The following RBFOX1 variants were observed in gnomAD, a reference collection of about 807,000 sequenced individuals.
RBFOX1 encodes RNA binding fox-1 homolog 1, also known as RNA binding protein fox-1 homolog 1.
In RBFOX1, 8 loss-of-function variants were observed where a neutral mutation model predicts 57.7. The observed-to-expected ratio is 0.14, with a 90% confidence interval of 0.08 to 0.25. RBFOX1 has a LOEUF of 0.25. Among genes scored for constraint, RBFOX1 ranks in the 10% least tolerant of loss-of-function variants. The pLI is 1.00. For synonymous variants in RBFOX1, 326 were observed against 222.4 expected, an observed-to-expected ratio of 1.47 and a Z score of -4.15; for missense variants, 611 against 548.5, an observed-to-expected ratio of 1.11 and a Z score of -1.14.
At chr16:6,372,847 T>A (rs1188125709) in intron 2 of RBFOX1, among the ~76,000 whole-genome samples, 1 of 150,358 alleles carries the variant, frequency 6.7e-6, no homozygotes, top group Non-Finnish European at 1.5e-5. Context: ...TTAGGATCTT[T>A]GGGTAGGAGT....
At chr16:5,839,405 T>G (rs1309218510) in intron 3 of RBFOX1, among the ~76,000 whole-genome samples, 1 of 152,188 alleles carries the variant, frequency 6.6e-6, no homozygotes, top group Admixed American at 6.5e-5. Context: ...CTAATTCCTT[T>G]AGCCCTCTCC....
chr16:7,547,615 T>C (rs1018713828), intron 5 of RBFOX1, among the ~76,000 whole-genome samples: 2 of 152,234 alleles, frequency 1.3e-5, no homozygotes, highest in Non-Finnish European at 1.5e-5. Flanking sequence ...AGAATCAGGA[T>C]TGAGGCAGGC....
intron 2 of RBFOX1, among the ~76,000 whole-genome samples, chr16:6,598,073 C>T (rs1360678771): frequency 6.6e-6 from 1 of 152,198 alleles, no homozygotes; most frequent in African/African-American, 2.4e-5. Flanking sequence ...GTTTGGTTTT[C>T]TGGTACTTGT....
At chr16:7,385,946 A>ATTTT (rs2097869926) in intron 4 of RBFOX1, among the ~76,000 whole-genome samples, 1 of 148,070 alleles carries the variant, frequency 6.8e-6, no homozygotes, top group South Asian at 2.2e-4. Flanking sequence ...TTATTTATTT[A>ATTTT]TTTATTTATT....
chr16:6,857,471 C>T (rs2058118499), intron 3 of RBFOX1, among the ~76,000 whole-genome samples: 1 of 152,162 alleles, frequency 6.6e-6, no homozygotes, highest in African/African-American at 2.4e-5. Context: ...TGGTTTATTT[C>T]ACAAGGGTCT....
At position 6,153,033 on chromosome 16, in the gene RBFOX1, G is replaced by GTTT. The variant is rs59957159; in HGVS notation, c.-127+133055_-127+133057dup. On this transcript the variant is annotated intron_variant, in intron 1 of 15. Coordinates refer to ENST00000550418, the MANE Select transcript of RBFOX1 (RefSeq NM_018723.4). ...CTTAAAAGGGGCATAGTTATTTTCT[G>GTTT]TTTTTTTTTTTTTTTTGTTAATTTT... Among the ~76,000 whole-genome samples, 887 of 128,086 alleles carry GTTT rather than the reference G, an allele frequency of 6.9e-3. 10 individuals are homozygous for GTTT. Among genetic ancestry groups the GTTT allele is most frequent in the African/African-American group, 0.021 (726 of 35,368 alleles). 84.0% of individuals were successfully genotyped at this position (128,086 alleles called of 152,430 possible).
chr16:7,336,763 C>G (rs914568933), intron 4 of RBFOX1, among the ~76,000 whole-genome samples: 1 of 152,168 alleles, frequency 6.6e-6, no homozygotes. Context: ...TATTTGTCCA[C>G]CTTCCTATAT....
intron 2 of RBFOX1, among the ~76,000 whole-genome samples, chr16:6,388,961 A>G (rs180807143): frequency 6.6e-6 from 1 of 152,274 alleles, no homozygotes; most frequent in African/African-American, 2.4e-5. Flanking sequence ...ATGTTGGACA[A>G]TGACATCACT....
chr16:6,654,428 G>A (rs912479015), intron 2 of RBFOX1, among the ~76,000 whole-genome samples, 175 bp from the exon 3 acceptor site: 8 of 152,080 alleles, frequency 5.3e-5, no homozygotes, highest in African/African-American at 7.2e-5. Context: ...TGCAAACACC[G>A]CAGTATGTAC....
intron 2 of RBFOX1, among the ~76,000 whole-genome samples, chr16:6,515,222 C>G (rs367943623): frequency 5.3e-5 from 8 of 152,194 alleles, no homozygotes; most frequent in African/African-American, 1.4e-4. Context: ...ATTATTTGCA[C>G]TTTCTAGATA....
chr16:6,368,722 G>T (rs148433752), intron 2 of RBFOX1, among the ~76,000 whole-genome samples: 4 of 152,294 alleles, frequency 2.6e-5, no homozygotes, highest in Admixed American at 2.0e-4. Flanking sequence ...TTAGTCATAT[G>T]TACCAGTCCA....
At chr16:7,551,109 A>G (rs78549196) in intron 5 of RBFOX1, among the ~76,000 whole-genome samples, 9,199 of 150,588 alleles carry the variant, frequency 0.061, 340 homozygotes, top group African/African-American at 0.079. Flanking sequence ...AAAAAAAGAA[A>G]AAAAAAGAAT....
intron 3 of RBFOX1, among the ~76,000 whole-genome samples, chr16:7,042,769 T>C (rs999505740): frequency 3.3e-5 from 5 of 152,000 alleles, no homozygotes; most frequent in African/African-American, 1.2e-4. Context: ...CTGCTACAAA[T>C]GCAAAAATTA....
At chr16:5,724,926 C>T (rs924163462) in intron 3 of RBFOX1, among the ~76,000 whole-genome samples, 6 of 152,180 alleles carry the variant, frequency 3.9e-5, no homozygotes, top group South Asian at 2.1e-4. Context: ...GTGAAATCAG[C>T]GTCTTTAACA....
intron 4 of RBFOX1, among the ~76,000 whole-genome samples, chr16:7,456,741 G>C (rs2058588184): frequency 6.6e-6 from 1 of 152,128 alleles, no homozygotes; most frequent in African/African-American, 2.4e-5. Flanking sequence ...ACCTATGGCT[G>C]TGCTCTGTGC....
At chr16:5,497,185 G>A (rs973626550) in intron 2 of RBFOX1, among the ~76,000 whole-genome samples, 1 of 152,102 alleles carries the variant, frequency 6.6e-6, no homozygotes, top group Non-Finnish European at 1.5e-5. Context: ...AGCTTTCACC[G>A]GGGTTGGTGA....
chr16:5,428,105 G>GGTGTGT (rs1169073538), intron 1 of RBFOX1, among the ~76,000 whole-genome samples: 14 of 138,086 alleles, frequency 1.0e-4, no homozygotes, highest in African/African-American at 3.1e-4. Context: ...GCTCTGGAAG[G>GGTGTGT]GTGTGTGTGT....
chr16:5,877,190 A>C (rs1266634879), intron 4 of RBFOX1, among the ~76,000 whole-genome samples: 4 of 152,258 alleles, frequency 2.6e-5, no homozygotes, highest in Admixed American at 2.6e-4. Flanking sequence ...AGAATGAAGC[A>C]AACTACATAC....
intron 14 of RBFOX1, among the ~76,000 whole-genome samples, chr16:7,680,143 C>T (rs189017503): frequency 1.6e-4 from 24 of 152,194 alleles, no homozygotes; most frequent in Non-Finnish European, 1.9e-4. Context: ...TGGACAGGTC[C>T]ATCACATCAG....
Sources: allele counts gnomAD v4.1 joint callset (sites outside exome capture counted in the v4.1 genomes callset), GRCh38; gene constraint gnomAD v4.1.1; transcripts MANE v1.5; gene names NCBI Gene and HGNC (gene_info 2026-07-23, HGNC 2026-07-21).